TMT1B: variants seen among roughly 807,000 people sequenced by gnomAD.
TMT1B encodes the protein thiol methyltransferase 1B.
chr12:55,684,107 GC>G, the TMT1B span: 5 of 1,506,014 alleles, frequency 3.3e-6, no homozygotes, highest in Non-Finnish European at 4.6e-6. Context: ...ATTAGAACAA[GC>G]CACCCACCAG....
At chr12:55,683,924 C>T in the TMT1B span, 1 of 1,613,992 alleles carries the variant, frequency 6.2e-7, no homozygotes, top group Non-Finnish European at 8.5e-7. Context: ...TGGCTGCTGC[C>T]TCACCAGAGA....
At chr12:55,682,854 G>A in the TMT1B span, among the ~76,000 whole-genome samples, 239 of 152,146 alleles carry the variant, frequency 1.6e-3, 9 homozygotes, top group South Asian at 0.047. Context: ...GAGTGTGGAC[G>A]GGGTGGGGAA....
At chr12:55,682,282 G>A in the TMT1B span, 10 of 1,591,910 alleles carry the variant, frequency 6.3e-6, no homozygotes, top group South Asian at 1.1e-5. Context: ...GATGGGTGTG[G>A]GGCAGGCAAA....
At chr12:55,681,756 T>C in the TMT1B span, 2 of 1,548,496 alleles carry the variant, frequency 1.3e-6, no homozygotes, top group Non-Finnish European at 1.7e-6. Flanking sequence ...TGGTCTGCCA[T>C]GGACATCCTG....
the TMT1B span, chr12:55,681,736 A>C: frequency 4.6e-6 from 7 of 1,509,974 alleles, 1 homozygote; most frequent in South Asian, 9.0e-5. Context: ...GCGGAAGCAC[A>C]GCTCAGAGCT....
At chr12:55,683,955 A>T in the TMT1B span, 1 of 1,614,084 alleles carries the variant, frequency 6.2e-7, no homozygotes, top group Non-Finnish European at 8.5e-7. Flanking sequence ...GATCTTGAGA[A>T]CGCCCAGTTC....
chr12:55,683,870 A>C, the TMT1B span: 7 of 1,614,108 alleles, frequency 4.3e-6, no homozygotes, highest in Non-Finnish European at 5.9e-6. Context: ...CTGGGCCTTC[A>C]TGTGGCAGCA....
the TMT1B span, chr12:55,681,879 T>C: frequency 3.1e-6 from 5 of 1,608,606 alleles, no homozygotes; most frequent in South Asian, 5.6e-5. Flanking sequence ...CTGATGGCCG[T>C]GCTGACTCCC....
the TMT1B span, chr12:55,684,128 C>A: frequency 1.5e-6 from 2 of 1,335,802 alleles, no homozygotes; most frequent in African/African-American, 2.9e-5. Context: ...GCCTATCTAT[C>A]TTCCACTGAG....
At chr12:55,683,737 T>C in the TMT1B span, 1 of 1,417,670 alleles carries the variant, frequency 7.1e-7, no homozygotes, top group Non-Finnish European at 9.9e-7. Flanking sequence ...CCAAGAAGTT[T>C]GACTGTCTTG....
the TMT1B span, among the ~76,000 whole-genome samples, chr12:55,682,563 G>A: frequency 6.9e-6 from 1 of 144,920 alleles, no homozygotes; most frequent in Non-Finnish European, 1.5e-5. Context: ...TTGAGCCCAG[G>A]AGTTCAAGAC....
the TMT1B span, chr12:55,684,019 GC>G: frequency 6.2e-7 from 1 of 1,613,576 alleles, no homozygotes; most frequent in East Asian, 2.2e-5. Context: ...TACCTGTTGG[GC>G]CCCACATCAT....
the TMT1B span, chr12:55,683,913 A>C: frequency 6.2e-7 from 1 of 1,614,110 alleles, no homozygotes; most frequent in South Asian, 1.1e-5. Context: ...CACATTGGGG[A>C]TGGCTGCTGC....
the TMT1B span, among the ~76,000 whole-genome samples, chr12:55,682,714 T>C: frequency 6.6e-6 from 1 of 151,460 alleles, no homozygotes; most frequent in Non-Finnish European, 1.5e-5. Context: ...TGAGCCCGAG[T>C]TCAAAGTTAC....
chr12:55,684,031 G>A, the TMT1B span: 1 of 1,613,284 alleles, frequency 6.2e-7, no homozygotes, highest in Non-Finnish European at 8.5e-7. Flanking sequence ...CCCACATCAT[G>A]GGAAAGGCTG....
chr12:55,683,437 G>A, the TMT1B span, among the ~76,000 whole-genome samples: 1 of 152,166 alleles, frequency 6.6e-6, no homozygotes, highest in East Asian at 1.9e-4. Flanking sequence ...GGAGGTTGCA[G>A]TGCGCCGAGA....
At chr12:55,681,842 C>T in the TMT1B span, 1 of 1,573,868 alleles carries the variant, frequency 6.4e-7, no homozygotes, top group Non-Finnish European at 8.6e-7. Context: ...CTGCTGGCAG[C>T]CCCTGTGCAA....
At chr12:55,683,666 G>GAAA in the TMT1B span, 56 of 740,004 alleles carry the variant, frequency 7.6e-5, no homozygotes, top group Non-Finnish European at 8.9e-5. Context: ...AGGGGATGCA[G>GAAA]AAAAGGTCAG....
chr12:55,682,047 A>C, the TMT1B span: 18 of 1,614,200 alleles, frequency 1.1e-5, no homozygotes, highest in Non-Finnish European at 1.5e-5. Flanking sequence ...ACCTGCCTAG[A>C]CCCAAATCCC....
Sources: allele counts gnomAD v4.1 joint callset (sites outside exome capture counted in the v4.1 genomes callset), GRCh38; gene constraint gnomAD v4.1.1; transcripts MANE v1.5; gene names NCBI Gene and HGNC (gene_info 2026-07-23, HGNC 2026-07-21).